Variants in RABGAP1L observed in about 807,000 individuals in gnomAD.
RABGAP1L encodes RAB GTPase activating protein 1 like, also known as rab GTPase-activating protein 1-like.
Under a neutral mutation model 137.7 loss-of-function variants are expected in RABGAP1L, and 63 were observed. The observed-to-expected ratio is 0.46, with a 90% CI of 0.37 to 0.56. RABGAP1L has a LOEUF of 0.56. Ranked by LOEUF, RABGAP1L falls within the 20% of genes least tolerant of loss-of-function variation. The pLI, the probability that RABGAP1L is intolerant of heterozygous loss-of-function variation, is 0.00. For missense variants in RABGAP1L, 1,095 were observed against 1,244.0 expected (o/e 0.88, Z 1.80); for synonymous variants, 431 against 433.7 (o/e 0.99, Z 0.08).
intron 13 of RABGAP1L, among the ~76,000 whole-genome samples, chr1:174,402,682 C>G (rs1648752220): frequency 6.6e-6 from 1 of 152,048 alleles, no homozygotes; most frequent in Non-Finnish European, 1.5e-5. Context: ...TTTATTATTC[C>G]TGTTAAGCTG....
chr1:174,386,826 C>T (rs1449818170), intron 12 of RABGAP1L, among the ~76,000 whole-genome samples: 2 of 152,086 alleles, frequency 1.3e-5, no homozygotes, highest in South Asian at 2.1e-4. Flanking sequence ...TTTATAAGAG[C>T]ATGTAGAAGT....
chr1:174,499,839 T>C (rs957319122), intron 13 of RABGAP1L, among the ~76,000 whole-genome samples: 1 of 152,170 alleles, frequency 6.6e-6, no homozygotes, highest in African/African-American at 2.4e-5. Context: ...TAGCTTTCTC[T>C]CTCTGTTTTC....
chr1:174,348,459 T>TA, intron 11 of RABGAP1L, among the ~76,000 whole-genome samples: 2 of 149,838 alleles, frequency 1.3e-5, no homozygotes, highest in South Asian at 2.1e-4. Flanking sequence ...TTTATTTATT[T>TA]TTTTTAATTT....
chr1:174,528,631 G>C (rs1396143290), intron 13 of RABGAP1L, among the ~76,000 whole-genome samples: 1 of 144,350 alleles, frequency 6.9e-6, no homozygotes, highest in African/African-American at 2.6e-5. Flanking sequence ...TTCTCTTTTT[G>C]TTTTTAGAAG....
chr1:174,429,373 A>G (rs1228518467), intron 13 of RABGAP1L, among the ~76,000 whole-genome samples: 1 of 151,940 alleles, frequency 6.6e-6, no homozygotes, highest in Non-Finnish European at 1.5e-5. Context: ...GCCCCTTTCT[A>G]GGTCTAAGGA....
chr1:174,883,751 G>C (rs140939202), intron 19 of RABGAP1L, among the ~76,000 whole-genome samples: 189 of 152,324 alleles, frequency 1.2e-3, no homozygotes, highest in African/African-American at 4.4e-3. Context: ...CAAGTAAAAA[G>C]AGATGACAAG....
chr1:174,716,432 C>T (rs914098562), intron 17 of RABGAP1L, among the ~76,000 whole-genome samples: 1 of 152,136 alleles, frequency 6.6e-6, no homozygotes, highest in African/African-American at 2.4e-5. Flanking sequence ...CAGGTATGCG[C>T]CACTGTACCC....
chr1:174,462,735 C>T (rs75731887), intron 13 of RABGAP1L, among the ~76,000 whole-genome samples: 5,270 of 152,174 alleles, frequency 0.035, 121 homozygotes, highest in Middle Eastern at 0.088. Context: ...TCTTTATATT[C>T]ACATGTACCA....
chr1:174,573,653 C>G (rs1435782824), intron 13 of RABGAP1L, among the ~76,000 whole-genome samples: 1 of 151,180 alleles, frequency 6.6e-6, no homozygotes, highest in Non-Finnish European at 1.5e-5. Flanking sequence ...TGATTTTTTT[C>G]TTTCTGCTTC....
At chr1:174,786,802 T>A (rs1687477542) in intron 18 of RABGAP1L, among the ~76,000 whole-genome samples, 1 of 152,212 alleles carries the variant, frequency 6.6e-6, no homozygotes, top group Non-Finnish European at 1.5e-5. Flanking sequence ...TATCCCCTAG[T>A]TTAATATATA....
chr1:174,348,901 C>CCCCGCCTTT (rs1334666175), intron 11 of RABGAP1L, among the ~76,000 whole-genome samples: 2 of 152,378 alleles, frequency 1.3e-5, no homozygotes, highest in South Asian at 2.1e-4. Context: ...CCAATCCTTT[C>CCCCGCCTTT]CCCGCCTTTC....
At chr1:174,284,735 T>C (rs1427598326) in intron 10 of RABGAP1L, among the ~76,000 whole-genome samples, 3 of 54,460 alleles carry the variant, frequency 5.5e-5, no homozygotes, top group East Asian at 3.9e-4. Flanking sequence ...ATTTCTTGTC[T>C]TTTTTTTTTT....
Position 174,448,881 on chromosome 1 carries a change from A to C in RABGAP1L, c.1710+54736A>C. 3 of 1,613,662 alleles carry C rather than the reference A, an allele frequency of 1.9e-6. No homozygotes were observed. The highest frequency in any genetic ancestry group is 2.5e-6 in the Non-Finnish European group (3 of 1,179,520). ...GTAGATTCTTCCAGAGAGACTGGACACAGCCCTGACCGTCGCTACGCCATG... is the reference window on the plus strand; with the variant it reads ...GTAGATTCTTCCAGAGAGACTGGACCCAGCCCTGACCGTCGCTACGCCATG... On this transcript the variant is annotated intron_variant, in intron 13 of 25. Transcript: ENST00000681986. The surrounding 1 kb of genome is among the most constrained non-coding windows in gnomAD (Gnocchi z 4.2).
intron 19 of RABGAP1L, among the ~76,000 whole-genome samples, chr1:174,954,430 A>T (rs3753562): frequency 0.076 from 11,600 of 152,218 alleles, 635 homozygotes; most frequent in East Asian, 0.31. Context: ...AAAATGTTTC[A>T]CTTTGAAATG....
At chr1:174,893,560 A>G (rs1656628452) in intron 19 of RABGAP1L, among the ~76,000 whole-genome samples, 1 of 152,216 alleles carries the variant, frequency 6.6e-6, no homozygotes, top group Non-Finnish European at 1.5e-5. Context: ...TACAACAAAT[A>G]TCTTCTCTTT....
intron 13 of RABGAP1L, among the ~76,000 whole-genome samples, chr1:174,473,363 G>A (rs1039266129): frequency 8.5e-5 from 13 of 152,088 alleles, no homozygotes; most frequent in South Asian, 2.1e-4. Context: ...TGTACTTCAG[G>A]TTCAAAGAGA....
At chr1:174,485,676 C>G (rs1250034880) in intron 13 of RABGAP1L, among the ~76,000 whole-genome samples, 1 of 152,142 alleles carries the variant, frequency 6.6e-6, no homozygotes, top group Non-Finnish European at 1.5e-5. Context: ...TCCTTGCATT[C>G]CAGGGATAAA....
At chr1:174,603,709 C>T (rs1670581962) in intron 13 of RABGAP1L, among the ~76,000 whole-genome samples, 1 of 151,858 alleles carries the variant, frequency 6.6e-6, no homozygotes, top group South Asian at 2.1e-4. Flanking sequence ...ACCCAAAGCC[C>T]ACAGCAACTA....
chr1:174,494,518 T>G (rs1660569066), intron 13 of RABGAP1L, among the ~76,000 whole-genome samples: 1 of 152,232 alleles, frequency 6.6e-6, no homozygotes, highest in African/African-American at 2.4e-5. Flanking sequence ...TTTGGGCCTA[T>G]GAATATCTGG....
Sources: gnomAD v4.1 joint callset for allele counts (sites outside exome capture counted in the v4.1 genomes callset) on GRCh38, gnomAD v4.1.1 for gene constraint, Gnocchi (gnomAD v3.1) non-coding constraint, MANE v1.5 for transcripts, NCBI Gene and HGNC (gene_info 2026-07-23, HGNC 2026-07-21) for gene names.